STXBP6: variants seen among roughly 807,000 people sequenced by gnomAD.
STXBP6 encodes syntaxin-binding protein 6.
In STXBP6, 21 loss-of-function variants were observed where a neutral mutation model predicts 26.9. The ratio of observed to expected loss-of-function variants is 0.78; its 90% confidence interval spans 0.55 to 1.12. The LOEUF (loss-of-function observed/expected upper bound fraction) is 1.12, where lower values mean the gene tolerates loss of function less well. Among genes scored for constraint, STXBP6 ranks in the 50% most tolerant of loss-of-function variants. The pLI, the probability that STXBP6 is intolerant of heterozygous loss-of-function variation, is 0.00. For synonymous variants in STXBP6, 97 were observed against 92.6 expected (o/e 1.05, Z -0.27); for missense variants, 232 against 257.9 (o/e 0.90, Z 0.69).
At chr14:24,907,129 T>C (rs574502828) in intron 2 of STXBP6, among the ~76,000 whole-genome samples, 11 of 152,282 alleles carry the variant, frequency 7.2e-5, no homozygotes, top group African/African-American at 2.6e-4. Flanking sequence ...TAGATGTCAA[T>C]AATTTATGTA....
At chr14:24,882,484 A>G (rs2070410122) in intron 2 of STXBP6, among the ~76,000 whole-genome samples, 1 of 150,846 alleles carries the variant, frequency 6.6e-6, no homozygotes, top group Non-Finnish European at 1.5e-5. Flanking sequence ...AAGCTCAAGC[A>G]GAACTGTGTG....
rs568239017 is a variant in STXBP6 at position 25,011,506 on chromosome 14, C to A, written c.-32-36656G>T. 1.3e-4 allele frequency among the ~76,000 whole-genome samples: 20 copies of A among 152,138 alleles called. 1 individual carries two copies. The highest frequency in any genetic ancestry group is 4.1e-4 in the African/African-American group (17 of 41,506). On this transcript the variant is annotated intron_variant, in intron 1 of 5. Coordinates refer to ENST00000323944, the MANE Select transcript of STXBP6 (RefSeq NM_001394410.1). Reference sequence around the variant, plus strand: ...ATAAGAGCTAATGTTGTTCATTAGCCAAGAGAAGCTAAGGTTATTGGGCAT... The same window carrying A: ...ATAAGAGCTAATGTTGTTCATTAGCAAAGAGAAGCTAAGGTTATTGGGCAT...
chr14:24,817,173 T>C (rs180972306), intron 5 of STXBP6: 1 of 152,292 alleles, frequency 6.6e-6, no homozygotes, highest in East Asian at 1.9e-4. Context: ...CTATTCCATA[T>C]TGCTTTCCCA....
At chr14:25,017,930 T>C (rs2075185432) in intron 1 of STXBP6, among the ~76,000 whole-genome samples, 1 of 152,126 alleles carries the variant, frequency 6.6e-6, no homozygotes, top group Non-Finnish European at 1.5e-5. Flanking sequence ...GTTGTTCTGT[T>C]TGCTCAGGCT....
chr14:24,828,887 T>C lies in STXBP6; in HGVS notation c.452-9693A>G, dbSNP rs77840492. ...GAATTATGTAATGCTGGCCAAGCAA[T>C]GTAAAGGATGCACCATTTTGGGAGA... is the stretch of plus-strand genomic sequence containing the variant. On this transcript the variant is annotated intron_variant, in intron 4 of 5. Transcript: ENST00000323944. Among the ~76,000 whole-genome samples the C allele has an allele frequency of 8.6e-3, 1,303 of 152,244 alleles. 28 individuals are homozygous for C. The highest frequency in any genetic ancestry group is 0.029 in the African/African-American group (1,202 of 41,534).
At chr14:24,968,402 G>A (rs544830338) in intron 2 of STXBP6, among the ~76,000 whole-genome samples, 2 of 151,752 alleles carry the variant, frequency 1.3e-5, no homozygotes, top group South Asian at 4.2e-4. Flanking sequence ...GATGAGAGCC[G>A]GTCTGAATTA....
intron 4 of STXBP6, among the ~76,000 whole-genome samples, chr14:24,841,568 CT>C (rs1427290077): frequency 1.3e-5 from 2 of 152,134 alleles, no homozygotes; most frequent in Non-Finnish European, 2.9e-5. Flanking sequence ...GCATCTTGTT[CT>C]ATCTTCCATG....
chr14:25,024,595 A>T lies in STXBP6; in HGVS notation c.-33+25283T>A, dbSNP rs149248816. ...CAAAGTTAGTAAAGGACAATCAACA[A>T]CAAATCATTTCAATAAATGCTTTTA... On this transcript the variant is annotated intron_variant, in intron 1 of 5. Transcript: ENST00000323944. Among the ~76,000 whole-genome samples, 11 of 152,304 alleles carry T rather than the reference A, an allele frequency of 7.2e-5. No homozygotes were observed. In the East Asian group the frequency reaches 1.7e-3, roughly 24 times the overall value.
intron 1 of STXBP6, among the ~76,000 whole-genome samples, chr14:25,039,708 C>CTTTTT (rs375717992): frequency 6.4e-5 from 9 of 140,080 alleles, no homozygotes; most frequent in African/African-American, 2.3e-4. Context: ...AATCTGCATC[C>CTTTTT]TTTTTTTTTT....
chr14:24,880,157 G>A (rs539964859), intron 2 of STXBP6, among the ~76,000 whole-genome samples: 2 of 152,236 alleles, frequency 1.3e-5, no homozygotes, highest in South Asian at 4.2e-4. Flanking sequence ...AAAGGGTGCT[G>A]GGAAAACATT....
At chr14:24,928,226 C>T (rs1295587489) in intron 2 of STXBP6, among the ~76,000 whole-genome samples, 2 of 152,098 alleles carry the variant, frequency 1.3e-5, no homozygotes, top group Non-Finnish European at 2.9e-5. Flanking sequence ...TACACTTATA[C>T]TGAGGAAGGG....
chr14:24,869,621 G>A (rs764993417), intron 2 of STXBP6, among the ~76,000 whole-genome samples: 7 of 152,062 alleles, frequency 4.6e-5, no homozygotes, highest in Non-Finnish European at 8.8e-5. Context: ...TGCCTAAATC[G>A]CATCATAATT....
intron 2 of STXBP6, among the ~76,000 whole-genome samples, chr14:24,918,599 T>C (rs1344502990): frequency 1.3e-5 from 2 of 151,820 alleles, no homozygotes; most frequent in Admixed American, 6.6e-5. Context: ...GAATTGGCAG[T>C]CTGACAAATG....
chr14:24,829,842 G>A (rs2068404538), intron 4 of STXBP6, among the ~76,000 whole-genome samples: 1 of 152,000 alleles, frequency 6.6e-6, no homozygotes, highest in African/African-American at 2.4e-5. Context: ...GATGTGTATG[G>A]TTAAAAAAAT....
At chr14:24,825,458 G>T (rs1002499190) in intron 4 of STXBP6, among the ~76,000 whole-genome samples, 2 of 152,140 alleles carry the variant, frequency 1.3e-5, no homozygotes, top group African/African-American at 4.8e-5. Context: ...GCCTGGAGCT[G>T]GACGACAAAG....
At chr14:24,974,610 G>T in intron 2 of STXBP6, 55 bp downstream of exon 2, 2 of 1,457,400 alleles carry the variant, frequency 1.4e-6, no homozygotes, top group South Asian at 1.3e-5. Flanking sequence ...ACCTCAGAAT[G>T]AACTGTTTTA....
At chr14:24,930,618 G>C (rs936422634) in intron 2 of STXBP6, among the ~76,000 whole-genome samples, 3 of 152,124 alleles carry the variant, frequency 2.0e-5, no homozygotes, top group Admixed American at 2.0e-4. Context: ...GATCTAAAGA[G>C]GGGCAGGTTT....
At chr14:24,827,192 C>T (rs756669966) in intron 4 of STXBP6, among the ~76,000 whole-genome samples, 1 of 152,046 alleles carries the variant, frequency 6.6e-6, no homozygotes, top group African/African-American at 2.4e-5. Flanking sequence ...TAGAGCCAGA[C>T]CTTGTCATAA....
chr14:24,873,732 CTTTTGTAAGGAG>C (rs2070029105), intron 2 of STXBP6, among the ~76,000 whole-genome samples: 2 of 152,242 alleles, frequency 1.3e-5, no homozygotes, highest in African/African-American at 4.8e-5. Flanking sequence ...CCTGAGGACT[CTTTTGTAAGGAG>C]ATTCATTTTG....
Sources: gnomAD v4.1 joint callset for allele counts (sites outside exome capture counted in the v4.1 genomes callset) on GRCh38, gnomAD v4.1.1 for gene constraint, MANE v1.5 for transcripts, NCBI Gene and HGNC (gene_info 2026-07-23, HGNC 2026-07-21) for gene names.